The following TANK variants were observed in gnomAD, a reference collection of about 807,000 sequenced individuals.
TANK encodes the protein TRAF family member-associated NF-kappa-B activator.
In TANK, 15 loss-of-function variants were observed where a neutral mutation model predicts 43.6. That is an observed-to-expected ratio of 0.34 (90% confidence interval 0.23 to 0.53). The LOEUF (loss-of-function observed/expected upper bound fraction) is 0.53, where lower values mean the gene tolerates loss of function less well. Ranked by LOEUF, TANK falls within the 20% of genes least tolerant of loss-of-function variation. TANK has a pLI of 0.94. For synonymous variants in TANK, 162 were observed against 178.2 expected (o/e 0.91, Z 0.73); for missense variants, 417 against 498.6 (o/e 0.84, Z 1.56).
chr2:161,184,394 T>C (rs1338517617), intron 2 of TANK, among the ~76,000 whole-genome samples: 1 of 152,184 alleles, frequency 6.6e-6, no homozygotes, highest in Non-Finnish European at 1.5e-5. Flanking sequence ...AACTGGCAAC[T>C]ATCCAGTTGC....
intron 1 of TANK, among the ~76,000 whole-genome samples, chr2:161,179,024 C>G (rs146668497): frequency 3.9e-5 from 6 of 152,218 alleles, no homozygotes; most frequent in African/African-American, 1.2e-4. Context: ...GAAAACTAGT[C>G]GGTAGTGGGG....
rs1558994846 is a variant in TANK at position 161,205,088 on chromosome 2, G to C, written c.327+295G>C. ...TCCTGTAATTCAAACACTTTGGGAG[G>C]CCAAGGAGGGAGGATCACTTGAGCT... On this transcript the variant is annotated intron_variant, in intron 4 of 7. Coordinates refer to ENST00000392749, the MANE Select transcript of TANK (RefSeq NM_001199135.3). 4.9e-6 allele frequency: 3 copies of C among 611,254 alleles called. No homozygotes were observed. In the Admixed American group the frequency reaches 1.6e-4, roughly 33 times the overall value. The allele number at this position is 611,254 out of a possible 1,614,324, so 37.9% of individuals were successfully genotyped here.
chr2:161,152,972 C>T (rs973461104), intron 1 of TANK, among the ~76,000 whole-genome samples: 2 of 152,030 alleles, frequency 1.3e-5, no homozygotes, highest in Non-Finnish European at 2.9e-5. Context: ...AGTTTTCAGC[C>T]ATTATTTCTT....
chr2:161,176,455 G>T (rs1277036115), intron 1 of TANK, among the ~76,000 whole-genome samples: 3 of 152,128 alleles, frequency 2.0e-5, no homozygotes, highest in African/African-American at 7.2e-5. Context: ...ATGCATCCGT[G>T]TGGAATTTAC....
intron 4 of TANK, among the ~76,000 whole-genome samples, chr2:161,217,858 C>G (rs1687186858): frequency 6.6e-6 from 1 of 151,936 alleles, no homozygotes; most frequent in Non-Finnish European, 1.5e-5. Context: ...AATTATCAGA[C>G]AAGGACTTTA....
Position 161,204,782 on chromosome 2 carries a change from A to G in TANK, c.316A>G (p.Lys106Glu). 2 of 1,606,338 alleles carry G rather than the reference A, an allele frequency of 1.2e-6. No individual in the cohort carries two copies. Among genetic ancestry groups the G allele is most frequent in the Non-Finnish European group, 8.5e-7 (1 of 1,177,860 alleles). Residue 106 changes from lysine (K) to glutamate (E), a missense_variant, in exon 4 of 8, where the codon AAA becomes GAA. Physicochemically the swap from Lys to Glu is moderately conservative, Grantham distance 56. Transcript: ENST00000392749. ...DKVISGIARE[K>E]LPKVRRQEVS... Reference sequence around the variant, plus strand: ...AGTGATTTCAGGAATAGCAAGAGAAAAACTACCAAAGGTAGACATTGCTTC... The same window carrying G: ...AGTGATTTCAGGAATAGCAAGAGAAGAACTACCAAAGGTAGACATTGCTTC...
chr2:161,137,570 T>A (rs1683622803), intron 1 of TANK, among the ~76,000 whole-genome samples: 1 of 152,178 alleles, frequency 6.6e-6, no homozygotes, highest in Non-Finnish European at 1.5e-5. Flanking sequence ...TTGGCTTAAG[T>A]TGTTCATAAC....
chr2:161,168,849 T>C (rs1418973562), intron 1 of TANK, among the ~76,000 whole-genome samples: 4 of 152,072 alleles, frequency 2.6e-5, no homozygotes, highest in Admixed American at 1.3e-4. Context: ...GGAATCAAAA[T>C]GGATCTGATC....
At chr2:161,232,634 A>G (rs1687975299) in intron 7 of TANK, 1 of 1,339,064 alleles carries the variant, frequency 7.5e-7, no homozygotes. Context: ...AAACAATTTC[A>G]TTTATTGCAA....
At position 161,179,621 on chromosome 2, in the gene TANK, A is replaced by G. The variant is rs758628130; in HGVS notation, c.-42A>G. 5.6e-6 allele frequency: 9 copies of G among 1,606,654 alleles called. No individual in the cohort carries two copies. Among genetic ancestry groups the G allele is most frequent in the Non-Finnish European group, 7.6e-6 (9 of 1,176,586 alleles). ...GATCTCATTATTTTGCAGACCTGTC[A>G]TTTACTCCATCCTTTATAGTGATGC... On this transcript the variant is annotated 5_prime_UTR_variant, in exon 2 of 8. Coordinates refer to ENST00000392749, the MANE Select transcript of TANK (RefSeq NM_001199135.3).
intron 2 of TANK, among the ~76,000 whole-genome samples, chr2:161,180,973 A>G (rs1463159072): frequency 6.6e-6 from 1 of 151,876 alleles, no homozygotes; most frequent in Non-Finnish European, 1.5e-5. Flanking sequence ...GATTCTCTCA[A>G]AAGGAAAGGT....
intron 1 of TANK, among the ~76,000 whole-genome samples, chr2:161,146,947 T>C (rs1242658162): frequency 6.6e-6 from 1 of 152,120 alleles, no homozygotes; most frequent in African/African-American, 2.4e-5. Context: ...TGCTGGTCCA[T>C]GGAGACCGCA....
intron 4 of TANK, among the ~76,000 whole-genome samples, chr2:161,214,997 C>T (rs906530442): frequency 6.6e-6 from 1 of 152,154 alleles, no homozygotes; most frequent in Non-Finnish European, 1.5e-5. Context: ...AAGAGGGAGA[C>T]ATTACCTAGT....
At chr2:161,232,703 T>C in intron 7 of TANK, 1 of 1,538,264 alleles carries the variant, frequency 6.5e-7, no homozygotes, top group Non-Finnish European at 8.8e-7. Flanking sequence ...CTTTTTTCTC[T>C]ATTATATGTC....
intron 4 of TANK, chr2:161,205,013 C>A (rs1686585802): frequency 7.9e-7 from 1 of 1,264,276 alleles, no homozygotes; most frequent in Non-Finnish European, 1.0e-6. Flanking sequence ...ACAAGCATTT[C>A]AACAAAGAAA....
intron 6 of TANK, among the ~76,000 whole-genome samples, chr2:161,228,063 T>C (rs1343948943): frequency 2.0e-5 from 3 of 152,156 alleles, no homozygotes; most frequent in Non-Finnish European, 4.4e-5. Flanking sequence ...TGCCAGACAC[T>C]GGGCAAGGGT....
chr2:161,155,509 T>C (rs1684200180), upstream of TANK, among the ~76,000 whole-genome samples: 1 of 152,214 alleles, frequency 6.6e-6, no homozygotes, highest in Admixed American at 6.5e-5. Flanking sequence ...GTTTGAACCT[T>C]GAGGTATCTG....
intron 4 of TANK, chr2:161,212,510 G>C: frequency 1.0e-6 from 1 of 985,208 alleles, no homozygotes; most frequent in Non-Finnish European, 1.2e-6. Flanking sequence ...TTTGAATTCA[G>C]TACATCATCT....
intron 1 of TANK, among the ~76,000 whole-genome samples, chr2:161,150,600 TTTTTTTTTTC>T (rs1361260432): frequency 1.3e-4 from 18 of 143,076 alleles, no homozygotes; most frequent in African/African-American, 5.0e-4. Flanking sequence ...TTTTTTTTTT[TTTTTTTTTTC>T]TTTTGAGATG....
Sources: allele counts gnomAD v4.1 joint callset (sites outside exome capture counted in the v4.1 genomes callset), GRCh38; gene constraint gnomAD v4.1.1; transcripts MANE v1.5; gene names NCBI Gene and HGNC (gene_info 2026-07-23, HGNC 2026-07-21).